Variants in MSI2 observed in about 807,000 individuals in gnomAD.
MSI2 encodes RNA-binding protein Musashi homolog 2.
MSI2 carries 17 observed loss-of-function variants against 45.6 expected under a neutral mutation model. The ratio of observed to expected loss-of-function variants is 0.37; its 90% CI spans 0.26 to 0.56. The LOEUF (loss-of-function observed/expected upper bound fraction) is 0.56, where lower values mean the gene tolerates loss of function less well. MSI2 is among the 20% of genes least tolerant of loss of function. MSI2 has a pLI of 0.77. For synonymous variants in MSI2, 156 were observed against 158.2 expected (o/e 0.99, Z 0.11); for missense variants, 293 against 444.2 (o/e 0.66, Z 3.06).
intron 6 of MSI2, among the ~76,000 whole-genome samples, chr17:57,471,412 G>T (rs7219422): frequency 0.78 from 117,259 of 150,596 alleles, 45,940 homozygotes; most frequent in East Asian, 0.91. Context: ...TGCCTCAGCC[G>T]CCTGAGTAGC....
intron 5 of MSI2, among the ~76,000 whole-genome samples, chr17:57,364,470 G>A (rs924257506): frequency 6.6e-6 from 1 of 152,232 alleles, no homozygotes; most frequent in Non-Finnish European, 1.5e-5. Flanking sequence ...AAGGATGGCA[G>A]AAACTTTGTA....
At chr17:57,518,860 A>G (rs2086525170) in intron 6 of MSI2, among the ~76,000 whole-genome samples, 1 of 152,252 alleles carries the variant, frequency 6.6e-6, no homozygotes, top group Non-Finnish European at 1.5e-5. Flanking sequence ...AGAGGCCGTT[A>G]GGCCAGATGC....
At chr17:57,495,236 T>A (rs57173772) in intron 6 of MSI2, among the ~76,000 whole-genome samples, 13,359 of 152,156 alleles carry the variant, frequency 0.088, 1,033 homozygotes, top group South Asian at 0.24. Context: ...CAGCTGCCTT[T>A]GAAAGCTTCA....
chr17:57,644,034 C>T (rs1910455755), intron 10 of MSI2, among the ~76,000 whole-genome samples: 1 of 152,180 alleles, frequency 6.6e-6, no homozygotes, highest in African/African-American at 2.4e-5. Context: ...ACATTGCCCC[C>T]CCAGGCCATA....
intron 5 of MSI2, among the ~76,000 whole-genome samples, chr17:57,380,349 C>T (rs539716852): frequency 3.6e-4 from 55 of 152,282 alleles, no homozygotes; most frequent in African/African-American, 1.3e-3. Context: ...TGGGCAGGAC[C>T]GTGGAAGGTA....
In MSI2 at chr17:57,495,609, A is replaced by G. The variant is rs186157924; in HGVS notation, c.406-34067A>G. Among the ~76,000 whole-genome samples the G allele has an allele frequency of 3.5e-3, 522 of 150,288 alleles. 1 individual carries two copies. The highest frequency in any genetic ancestry group is 4.6e-3 in the Non-Finnish European group (314 of 67,780). On this transcript the variant is annotated intron_variant, in intron 6 of 13. Coordinates refer to ENST00000284073, the MANE Select transcript of MSI2 (RefSeq NM_138962.4). ...GAACATCTCTGACCTGGCTCTCTTG[A>G]TATCAGTCTCCATGTCCAATTCTCC...
intron 5 of MSI2, among the ~76,000 whole-genome samples, chr17:57,302,831 A>G (rs905330230): frequency 3.9e-5 from 6 of 152,244 alleles, no homozygotes; most frequent in Admixed American, 3.9e-4. Context: ...GACTTCAGGC[A>G]GAGTCCCTGG....
At chr17:57,657,254 G>A (rs1385820785) in intron 11 of MSI2, among the ~76,000 whole-genome samples, 1 of 152,214 alleles carries the variant, frequency 6.6e-6, no homozygotes, top group Non-Finnish European at 1.5e-5. Flanking sequence ...CACCAAACAG[G>A]ATGAGGGTGC....
At chr17:57,436,764 TAA>T (rs1313339100) in intron 6 of MSI2, among the ~76,000 whole-genome samples, 1 of 152,200 alleles carries the variant, frequency 6.6e-6, no homozygotes, top group Non-Finnish European at 1.5e-5. Flanking sequence ...ATTAATATCA[TAA>T]AAGTTTTAGA....
At chr17:57,310,806 G>C (rs1445864701) in intron 5 of MSI2, among the ~76,000 whole-genome samples, 1 of 152,118 alleles carries the variant, frequency 6.6e-6, no homozygotes, top group Admixed American at 6.5e-5. Context: ...GTTGGTCCTA[G>C]AGAGGCCCGA....
At chr17:57,269,660 A>G (rs1386286949) in intron 5 of MSI2, among the ~76,000 whole-genome samples, 1 of 152,046 alleles carries the variant, frequency 6.6e-6, no homozygotes, top group East Asian at 1.9e-4. Flanking sequence ...TACAATTCCA[A>G]AGTCCTGTAC....
intron 7 of MSI2, among the ~76,000 whole-genome samples, chr17:57,569,665 G>T (rs2087824988): frequency 6.6e-6 from 1 of 152,204 alleles, no homozygotes. Context: ...AAAGTGAAAA[G>T]ATTGAAAAAT....
At chr17:57,524,283 T>A (rs1225769295) in intron 6 of MSI2, among the ~76,000 whole-genome samples, 1 of 152,200 alleles carries the variant, frequency 6.6e-6, no homozygotes, top group Non-Finnish European at 1.5e-5. Context: ...ATTCAAGGGA[T>A]GAAAGTAGAC....
chr17:57,665,319 G>A (rs1023315224), intron 11 of MSI2, among the ~76,000 whole-genome samples: 3 of 152,318 alleles, frequency 2.0e-5, no homozygotes, highest in Admixed American at 1.3e-4. Flanking sequence ...AGAAGCAGCC[G>A]CCCTCCTTGA....
chr17:57,444,262 T>C (rs2084854415), intron 6 of MSI2, among the ~76,000 whole-genome samples: 1 of 152,172 alleles, frequency 6.6e-6, no homozygotes, highest in East Asian at 1.9e-4. Flanking sequence ...AGGAGGCAGA[T>C]TCTATTATCT....
chr17:57,272,602 G>A (rs1305919964), intron 5 of MSI2, among the ~76,000 whole-genome samples: 2 of 152,174 alleles, frequency 1.3e-5, no homozygotes, highest in Non-Finnish European at 2.9e-5. Flanking sequence ...TGTTGCTCTT[G>A]TGCAAGAATT....
chr17:57,495,192 T>C (rs1010901646), intron 6 of MSI2, among the ~76,000 whole-genome samples: 1 of 152,134 alleles, frequency 6.6e-6, no homozygotes, highest in African/African-American at 2.4e-5. Context: ...ACTGAGTTAA[T>C]GTCCAAACCG....
chr17:57,575,735 G>T (rs1002594110), intron 7 of MSI2, among the ~76,000 whole-genome samples: 19 of 151,824 alleles, frequency 1.3e-4, no homozygotes, highest in African/African-American at 4.6e-4. Context: ...CACGAGGTCA[G>T]GAGATCGAGA....
chr17:57,340,137 C>T (rs1915007181), intron 5 of MSI2, among the ~76,000 whole-genome samples: 5 of 152,194 alleles, frequency 3.3e-5, no homozygotes, highest in Admixed American at 3.3e-4. Flanking sequence ...CATGATGTCT[C>T]ATTTAGTCCT....
Sources: gnomAD v4.1 joint callset for allele counts (sites outside exome capture counted in the v4.1 genomes callset) on GRCh38, gnomAD v4.1.1 for gene constraint, MANE v1.5 for transcripts, NCBI Gene and HGNC (gene_info 2026-07-23, HGNC 2026-07-21) for gene names.